Variants in GRIN2B observed in about 807,000 individuals in gnomAD.
GRIN2B encodes the protein glutamate ionotropic receptor NMDA type subunit 2B.
GRIN2B carries 5 observed loss-of-function variants against 114.5 expected under a neutral mutation model. The ratio of observed to expected loss-of-function variants is 0.04; its 90% CI spans 0.02 to 0.09. The LOEUF (loss-of-function observed/expected upper bound fraction) is 0.09. Among genes scored for constraint, GRIN2B ranks in the 10% least tolerant of loss-of-function variants. GRIN2B has a pLI of 1.00. For missense variants in GRIN2B, 1,108 were observed against 1,943.5 expected, an observed-to-expected ratio of 0.57 and a Z score of 8.08; for synonymous variants, 787 against 745.1, an observed-to-expected ratio of 1.06 and a Z score of -0.92.
intron 2 of GRIN2B, 103 bp from the exon 3 acceptor site, chr12:13,866,329 T>A: frequency 1.0e-6 from 1 of 993,436 alleles, no homozygotes; most frequent in Non-Finnish European, 1.5e-6. Flanking sequence ...CTCCTTTCAT[T>A]GAGCACCAAA....
intron 5 of GRIN2B, among the ~76,000 whole-genome samples, chr12:13,651,556 C>T (rs1026481714): frequency 6.6e-6 from 1 of 151,948 alleles, no homozygotes; most frequent in Admixed American, 6.6e-5. Context: ...ATTTTATAGG[C>T]ATTTGTAGAA....
At position 13,567,124 on chromosome 12, in the gene GRIN2B, G is replaced by A. The variant is rs377264345; in HGVS notation, c.2499C>T (p.Leu833=). 5 of 1,614,040 alleles carry A rather than the reference G, an allele frequency of 3.1e-6. No homozygotes were observed. Among genetic ancestry groups the A allele is most frequent in the Non-Finnish European group, 3.4e-6 (4 of 1,179,986 alleles). The change falls in exon 13 of 14, where the codon CTC becomes CTT. Residue 833 remains leucine (L), a synonymous_variant. Transcript: ENST00000609686. ...YMLGAAMALS[L]ITFICEHLFY... The stretch of plus-strand genomic sequence containing the variant: ...AAAGGTGTTCGCAGATGAAGGTGAT[G>A]AGGCTGAGAGCCATGGCCGCCCCCA...
intron 5 of GRIN2B, among the ~76,000 whole-genome samples, chr12:13,675,250 C>A (rs1950061898): frequency 6.6e-6 from 1 of 152,098 alleles, no homozygotes; most frequent in African/African-American, 2.4e-5. Context: ...CTGGTGCCCA[C>A]AGAAATTAAT....
chr12:13,653,866 T>C (rs1399261026), intron 5 of GRIN2B, among the ~76,000 whole-genome samples: 7 of 152,242 alleles, frequency 4.6e-5, no homozygotes, highest in East Asian at 1.9e-4. Context: ...TAACCACTAA[T>C]TGGTAACATT....
intron 3 of GRIN2B, among the ~76,000 whole-genome samples, chr12:13,807,665 C>G (rs1303757565): frequency 1.4e-5 from 2 of 147,448 alleles, no homozygotes. Flanking sequence ...TGATTAGCCT[C>G]CTTGTTTCAG....
At chr12:13,790,304 C>T (rs1026350159) in intron 3 of GRIN2B, among the ~76,000 whole-genome samples, 4 of 152,128 alleles carry the variant, frequency 2.6e-5, no homozygotes, top group Non-Finnish European at 4.4e-5. Flanking sequence ...CTCCTGTGTC[C>T]TCTCATCCCC....
intron 2 of GRIN2B, among the ~76,000 whole-genome samples, chr12:13,932,982 TGTGTGC>T (rs1047261578): frequency 1.7e-5 from 2 of 120,316 alleles, no homozygotes; most frequent in African/African-American, 6.0e-5. Context: ...TGTGTGTGTG[TGTGTGC>T]GTGTGCGTGT....
chr12:13,825,497 TGTG>T (rs1565552076), intron 3 of GRIN2B, among the ~76,000 whole-genome samples: 8 of 2,632 alleles, frequency 3.0e-3, no homozygotes, highest in African/African-American at 7.2e-3. Context: ...ATATATATTT[TGTG>T]TGTGTGTGTG....
Position 13,546,591 on chromosome 12 carries a change from G to A in GRIN2B, c.*16192C>T, listed in dbSNP as rs565767427. The A allele has an allele frequency of 6.6e-6, 1 of 151,760 alleles. No homozygotes were observed. The highest frequency in any genetic ancestry group is 2.1e-4 in the South Asian group (1 of 4,810). 9.4% of individuals were successfully genotyped at this position (151,760 alleles called of 1,614,324 possible). A position where few individuals can be genotyped will look rare whatever the true frequency, so the allele number is the denominator to read the frequency against. On this transcript the variant is annotated 3_prime_UTR_variant, in exon 14 of 14. Transcript: ENST00000609686. ...AACATTTCTCAGAACCAAGCTTTTT[G>A]TCTGCTTGTCACTGAATCTATTTCC...
chr12:13,563,834 TC>T lies in GRIN2B; in HGVS notation c.3403del (p.Asp1135ThrfsTer15). 1 of 1,614,120 alleles carries T rather than the reference TC, an allele frequency of 6.2e-7. No individual in the cohort carries two copies. Among genetic ancestry groups the T allele is most frequent in the Non-Finnish European group, 8.5e-7 (1 of 1,180,026 alleles). On this transcript the variant is annotated frameshift_variant, in exon 14 of 14. Coordinates refer to ENST00000609686, the MANE Select transcript of GRIN2B (RefSeq NM_000834.5). LOFTEE classifies it high-confidence loss of function. The stretch of plus-strand genomic sequence containing the variant: ...TGAGTTCTCCTTTGTTCGGAACTGG[TC>T]CAGGTAGAAGTCCCGTAGCCCTTCC... ...DKEGLRDFYL[D>X]QFRTKENSPH...
intron 3 of GRIN2B, among the ~76,000 whole-genome samples, chr12:13,801,392 T>C (rs1864510173): frequency 6.6e-6 from 1 of 151,978 alleles, no homozygotes. Flanking sequence ...TCTACAACTA[T>C]TAGGAGCTCA....
At chr12:13,617,043 A>G (rs750847982) in intron 5 of GRIN2B, among the ~76,000 whole-genome samples, 34 of 152,190 alleles carry the variant, frequency 2.2e-4, no homozygotes, top group Non-Finnish European at 1.0e-4. Flanking sequence ...GAGTTCCCGC[A>G]TTATGTGTGG....
chr12:13,937,095 AAGGGG>A (rs1867142470), intron 2 of GRIN2B, among the ~76,000 whole-genome samples: 1 of 141,584 alleles, frequency 7.1e-6, no homozygotes, highest in Non-Finnish European at 1.5e-5. Context: ...AAAAAAAAAA[AAGGGG>A]GGGGGGAAGA....
At chr12:13,621,884 C>T (rs905484977) in intron 5 of GRIN2B, among the ~76,000 whole-genome samples, 23 of 152,050 alleles carry the variant, frequency 1.5e-4, no homozygotes, top group African/African-American at 5.3e-4. Flanking sequence ...GAAATTGGCA[C>T]CAATTAGCAC....
At chr12:13,917,866 G>T (rs1866759576) in intron 2 of GRIN2B, among the ~76,000 whole-genome samples, 1 of 152,108 alleles carries the variant, frequency 6.6e-6, no homozygotes, top group Admixed American at 6.6e-5. Flanking sequence ...CTATATGCTA[G>T]AAAAATATCA....
intron 3 of GRIN2B, among the ~76,000 whole-genome samples, chr12:13,852,099 C>T (rs1865575574): frequency 6.6e-6 from 1 of 152,208 alleles, no homozygotes; most frequent in Non-Finnish European, 1.5e-5. Flanking sequence ...ACCCAAGACA[C>T]GTGGTGGCAG....
At chr12:13,839,080 C>T (rs1339595848) in intron 3 of GRIN2B, among the ~76,000 whole-genome samples, 5 of 146,866 alleles carry the variant, frequency 3.4e-5, no homozygotes, top group Non-Finnish European at 6.0e-5. Flanking sequence ...ACCAAGGACT[C>T]TTCTGTTTAT....
At chr12:13,786,387 C>G (rs182984936) in intron 3 of GRIN2B, among the ~76,000 whole-genome samples, 2 of 152,114 alleles carry the variant, frequency 1.3e-5, no homozygotes, top group Non-Finnish European at 2.9e-5. Context: ...CTGGGACCAC[C>G]GATGCCTTAA....
chr12:13,892,619 G>A (rs1003221778), intron 2 of GRIN2B, among the ~76,000 whole-genome samples: 4 of 152,138 alleles, frequency 2.6e-5, no homozygotes, highest in Non-Finnish European at 5.9e-5. Flanking sequence ...ACTTAGCTTT[G>A]CAGAAGTGGT....
Sources: gnomAD v4.1 joint callset for allele counts (sites outside exome capture counted in the v4.1 genomes callset) on GRCh38, gnomAD v4.1.1 for gene constraint, MANE v1.5 for transcripts, NCBI Gene and HGNC (gene_info 2026-07-23, HGNC 2026-07-21) for gene names.